Variants in SSBP3 observed in about 807,000 individuals in gnomAD.
SSBP3 encodes single stranded DNA binding protein 3, also known as single-stranded DNA-binding protein 3.
SSBP3 carries 5 observed loss-of-function variants against 69.6 expected under a neutral mutation model. The ratio of observed to expected loss-of-function variants is 0.07; its 90% confidence interval spans 0.04 to 0.15. SSBP3 has a LOEUF of 0.15. Ranked by LOEUF, SSBP3 falls within the 10% of genes least tolerant of loss-of-function variation. SSBP3 has a pLI of 1.00. For synonymous variants in SSBP3, 196 were observed against 193.4 expected (o/e 1.01, Z -0.11); for missense variants, 312 against 534.0 (o/e 0.58, Z 4.10).
exon 4 of SSBP3, chr1:54,401,925 C>G: frequency 6.2e-7 from 1 of 1,613,998 alleles, no homozygotes; most frequent in African/African-American, 1.3e-5. Flanking sequence ...AGGAGCTGCA[C>G]AGTAAAGGTC....
At chr1:54,265,391 CAGA>C (rs1300684393) in intron 5 of SSBP3, among the ~76,000 whole-genome samples, 1 of 152,056 alleles carries the variant, frequency 6.6e-6, no homozygotes, top group Non-Finnish European at 1.5e-5. Flanking sequence ...AACTTGAGGG[CAGA>C]AGGTGACTAA....
exon 13 of SSBP3, chr1:54,240,941 C>T: frequency 6.2e-7 from 1 of 1,610,788 alleles, no homozygotes; most frequent in Non-Finnish European, 8.5e-7. Context: ...CCTGGAGGAC[C>T]GCCACCACCA....
chr1:54,331,699 C>A (rs998578579), intron 4 of SSBP3, among the ~76,000 whole-genome samples: 1 of 152,368 alleles, frequency 6.6e-6, no homozygotes. Flanking sequence ...CCAGCAACTT[C>A]TCTACCCTGG....
intron 4 of SSBP3, among the ~76,000 whole-genome samples, chr1:54,327,143 A>T (rs918497764): frequency 3.3e-5 from 5 of 151,862 alleles, no homozygotes; most frequent in Non-Finnish European, 7.4e-5. Context: ...CCCAAAAGTG[A>T]CACATTCTGG....
At chr1:54,375,257 A>C (rs1409769782) in intron 4 of SSBP3, among the ~76,000 whole-genome samples, 5 of 152,220 alleles carry the variant, frequency 3.3e-5, no homozygotes, top group Admixed American at 1.3e-4. Context: ...AGGGAAACTA[A>C]GGATCAGATA....
chr1:54,372,947 T>C (rs759348060), intron 4 of SSBP3, among the ~76,000 whole-genome samples: 20 of 152,218 alleles, frequency 1.3e-4, no homozygotes, highest in Admixed American at 4.6e-4. Flanking sequence ...TCCTTTTCTA[T>C]TCTTTTGTTG....
Position 54,267,381 on chromosome 1 carries a change from G to A in SSBP3, c.367-9232C>T, listed in dbSNP as rs574625262. On this transcript the variant is annotated intron_variant, in intron 5 of 17. Transcript: ENST00000610401. ...GTCCCAGTACCCTGAGCTAAGTGCC[G>A]GAGACACGTGAACAAGCAGTATTCT... Among the ~76,000 whole-genome samples, 10 of 152,322 alleles carry A rather than the reference G, an allele frequency of 6.6e-5. 1 individual carries two copies. The South Asian group carries it at 1.0e-3, about 16-fold the overall frequency.
chr1:54,394,419 T>C (rs1648714021), intron 4 of SSBP3, among the ~76,000 whole-genome samples: 1 of 151,944 alleles, frequency 6.6e-6, no homozygotes, highest in Non-Finnish European at 1.5e-5. Flanking sequence ...CTTGGTCTCT[T>C]AGAAAAACAA....
intron 4 of SSBP3, among the ~76,000 whole-genome samples, chr1:54,293,448 A>AT (rs1228616007): frequency 1.3e-5 from 2 of 152,216 alleles, no homozygotes; most frequent in Non-Finnish European, 2.9e-5. Flanking sequence ...CCACCCATCG[A>AT]TATGGTATTG....
chr1:54,390,943 G>T (rs1648447797), intron 4 of SSBP3, among the ~76,000 whole-genome samples: 1 of 152,256 alleles, frequency 6.6e-6, no homozygotes, highest in Non-Finnish European at 1.5e-5. Flanking sequence ...CCGGCACCAG[G>T]CCTGCCCACT....
intron 4 of SSBP3, among the ~76,000 whole-genome samples, chr1:54,368,647 A>G (rs1443617839): frequency 1.3e-5 from 2 of 152,142 alleles, no homozygotes; most frequent in Non-Finnish European, 2.9e-5. Flanking sequence ...AATGCACCCT[A>G]GTACACTAGA....
At chr1:54,313,427 T>C (rs1262028328) in intron 4 of SSBP3, among the ~76,000 whole-genome samples, 1 of 144,196 alleles carries the variant, frequency 6.9e-6, no homozygotes, top group East Asian at 2.1e-4. Context: ...CGAAGCTGTG[T>C]GCCTGTGCTT....
intron 4 of SSBP3, among the ~76,000 whole-genome samples, chr1:54,365,349 C>CGTGTGT (rs151153722): frequency 4.0e-5 from 6 of 151,176 alleles, no homozygotes; most frequent in African/African-American, 1.5e-4. Flanking sequence ...GAAAGGTGTG[C>CGTGTGT]GTGTGTGTGT....
chr1:54,370,409 G>GT (rs1265042935), intron 4 of SSBP3, among the ~76,000 whole-genome samples: 2 of 152,204 alleles, frequency 1.3e-5, no homozygotes, highest in Non-Finnish European at 2.9e-5. Context: ...CTGAACCCGG[G>GT]TTGGCAGAAA....
chr1:54,339,380 C>T (rs923351765), intron 4 of SSBP3, among the ~76,000 whole-genome samples: 5 of 152,296 alleles, frequency 3.3e-5, no homozygotes, highest in Non-Finnish European at 5.9e-5. Flanking sequence ...TGGTTAGAAG[C>T]GTGAGCTCTG....
intron 4 of SSBP3, among the ~76,000 whole-genome samples, chr1:54,366,659 G>C (rs1423265406): frequency 6.6e-6 from 1 of 152,002 alleles, no homozygotes; most frequent in Non-Finnish European, 1.5e-5. Context: ...TGAAGGGCAG[G>C]GAGTTTTGCT....
chr1:54,384,328 G>A (rs879602642), intron 4 of SSBP3, among the ~76,000 whole-genome samples: 25 of 152,170 alleles, frequency 1.6e-4, no homozygotes, highest in Non-Finnish European at 8.8e-5. Context: ...CTGAGCAGAC[G>A]AACTTGGACT....
At chr1:54,312,580 T>G (rs1646023040) in intron 4 of SSBP3, among the ~76,000 whole-genome samples, 1 of 151,970 alleles carries the variant, frequency 6.6e-6, no homozygotes, top group African/African-American at 2.4e-5. Context: ...TTTGCAGGAT[T>G]ACATAGAGGA....
intron 14 of SSBP3, chr1:54,238,164 T>C: frequency 2.1e-6 from 1 of 471,060 alleles, no homozygotes; most frequent in South Asian, 1.5e-5. Flanking sequence ...AGAGGGCTGC[T>C]GGATGTAGGC....
Sources: gnomAD v4.1 joint callset for allele counts (sites outside exome capture counted in the v4.1 genomes callset) on GRCh38, gnomAD v4.1.1 for gene constraint, MANE v1.5 for transcripts, NCBI Gene and HGNC (gene_info 2026-07-23, HGNC 2026-07-21) for gene names.